Variants in TMEM267 observed in about 807,000 individuals in gnomAD.
The protein encoded by TMEM267 is transmembrane protein C5orf28.
TMEM267 carries 20 observed loss-of-function variants against 19.3 expected under a neutral mutation model. The observed-to-expected ratio is 1.04, with a 90% CI of 0.73 to 1.51. The LOEUF (loss-of-function observed/expected upper bound fraction) is 1.51. TMEM267 is among the 40% of genes most tolerant of loss of function. TMEM267 has a pLI of 0.00. For synonymous variants in TMEM267, 88 were observed against 90.3 expected (o/e 0.97, Z 0.15); for missense variants, 242 against 261.9 (o/e 0.92, Z 0.52).
At chr5:43,473,654 A>G (rs1744220497) in intron 1 of TMEM267, among the ~76,000 whole-genome samples, 1 of 152,256 alleles carries the variant, frequency 6.6e-6, no homozygotes, top group Non-Finnish European at 1.5e-5. Flanking sequence ...ATGGATAGGA[A>G]GAATGAATAT....
chr5:43,474,759 CAAAAAAAAAAAAA>C (rs1175355175), intron 1 of TMEM267, among the ~76,000 whole-genome samples: 1 of 57,444 alleles, frequency 1.7e-5, no homozygotes, highest in Non-Finnish European at 3.7e-5. Flanking sequence ...AACTCTGTCT[CAAAAAAAAAAAAA>C]AAAAAAATGA....
chr5:43,474,239 A>G (rs1427672000), intron 1 of TMEM267, among the ~76,000 whole-genome samples: 1 of 152,258 alleles, frequency 6.6e-6, no homozygotes, highest in African/African-American at 2.4e-5. Flanking sequence ...CAATGGCAAC[A>G]AAAGCCAAAA....
At chr5:43,459,814 C>T (rs151185291) in intron 1 of TMEM267, among the ~76,000 whole-genome samples, 64 of 152,198 alleles carry the variant, frequency 4.2e-4, no homozygotes, top group African/African-American at 1.5e-3. Flanking sequence ...CTTTTTGGCA[C>T]CAGGGACTGG....
At chr5:43,470,422 G>A (rs1320894885) in intron 1 of TMEM267, among the ~76,000 whole-genome samples, 1 of 152,156 alleles carries the variant, frequency 6.6e-6, no homozygotes, top group Non-Finnish European at 1.5e-5. Context: ...TACTACAGGT[G>A]TGAGCCACCA....
chr5:43,473,833 G>A (rs1442016707), intron 1 of TMEM267, among the ~76,000 whole-genome samples: 2 of 152,084 alleles, frequency 1.3e-5, no homozygotes, highest in Admixed American at 6.5e-5. Context: ...AGGAACAAAG[G>A]TGGAGGCATC....
chr5:43,465,889 G>A (rs1270910437), intron 1 of TMEM267, among the ~76,000 whole-genome samples: 2 of 151,078 alleles, frequency 1.3e-5, no homozygotes, highest in Non-Finnish European at 2.9e-5. Flanking sequence ...CACCAACATG[G>A]CACATGTATA....
At chr5:43,472,030 C>T (rs1579822865) in intron 1 of TMEM267, among the ~76,000 whole-genome samples, 1 of 152,100 alleles carries the variant, frequency 6.6e-6, no homozygotes, top group Middle Eastern at 3.4e-3. Context: ...AAAATATTTG[C>T]AAATTACCCA....
At chr5:43,449,130 G>T (rs1742429138) in intron 2 of TMEM267, among the ~76,000 whole-genome samples, 2 of 151,960 alleles carry the variant, frequency 1.3e-5, no homozygotes, top group Non-Finnish European at 2.9e-5. Context: ...AAATTAGCTG[G>T]GTATGGTGGT....
chr5:43,466,842 A>T (rs961532752), intron 1 of TMEM267, among the ~76,000 whole-genome samples: 10 of 152,090 alleles, frequency 6.6e-5, no homozygotes, highest in African/African-American at 1.7e-4. Flanking sequence ...CTAAAGGAAG[A>T]CAGGAAGGAA....
At chr5:43,477,316 C>T (rs1441559409) in intron 1 of TMEM267, among the ~76,000 whole-genome samples, 2 of 150,242 alleles carry the variant, frequency 1.3e-5, no homozygotes, top group Middle Eastern at 3.4e-3. Context: ...AGGCCGGGGG[C>T]GGTGGCTCAC....
At chr5:43,447,154 G>A (rs534349633) in intron 2 of TMEM267, among the ~76,000 whole-genome samples, 12 of 150,580 alleles carry the variant, frequency 8.0e-5, no homozygotes, top group South Asian at 2.1e-4. Flanking sequence ...GTGCGGTGGC[G>A]CAATCTCGGC....
At chr5:43,475,963 G>A (rs1744397769) in intron 1 of TMEM267, among the ~76,000 whole-genome samples, 1 of 152,166 alleles carries the variant, frequency 6.6e-6, no homozygotes, top group Non-Finnish European at 1.5e-5. Flanking sequence ...ACATTTCCCA[G>A]AATTCCCTTC....
Position 43,454,004 on chromosome 5 carries a change from C to G in TMEM267, c.-35G>C. ...TATGTTAGTATAGACTAAAAGCCAT[C>G]AGGAATGAACAGTCTATTCTTGTTT... On this transcript the variant is annotated 5_prime_UTR_variant, in exon 2 of 3. Transcript: ENST00000397080. The G allele has an allele frequency of 6.3e-7, 1 of 1,592,084 alleles. No individual in the cohort carries two copies. Among genetic ancestry groups the G allele is most frequent in the Non-Finnish European group, 8.6e-7 (1 of 1,168,488 alleles).
upstream of TMEM267, chr5:43,484,273 C>T (rs889575207): frequency 2.0e-5 from 3 of 152,214 alleles, no homozygotes; most frequent in East Asian, 5.8e-4. Context: ...GAAGCTTGAG[C>T]TGGGAGCCTC....
At chr5:43,472,647 G>A (rs1350846359) in intron 1 of TMEM267, among the ~76,000 whole-genome samples, 1 of 152,136 alleles carries the variant, frequency 6.6e-6, no homozygotes, top group African/African-American at 2.4e-5. Context: ...GCAACAACAT[G>A]GATGGAACTG....
At chr5:43,483,598 C>G (rs1744935452) in intron 1 of TMEM267, among the ~76,000 whole-genome samples, 1 of 152,162 alleles carries the variant, frequency 6.6e-6, no homozygotes, top group African/African-American at 2.4e-5. Context: ...TCCTCGCAGA[C>G]CCCAGGGCCG....
At chr5:43,473,114 G>C (rs773329632) in intron 1 of TMEM267, among the ~76,000 whole-genome samples, 1 of 124,562 alleles carries the variant, frequency 8.0e-6, no homozygotes, top group Non-Finnish European at 1.6e-5. Flanking sequence ...CTCCAGCCTG[G>C]ACTACAGAGC....
chr5:43,464,587 G>T (rs1743510085), intron 1 of TMEM267, among the ~76,000 whole-genome samples: 2 of 152,220 alleles, frequency 1.3e-5, no homozygotes, highest in Non-Finnish European at 2.9e-5. Flanking sequence ...AAAACAGCAT[G>T]GTACTGGTAC....
At chr5:43,474,558 G>C (rs1402719547) in intron 1 of TMEM267, among the ~76,000 whole-genome samples, 2 of 152,052 alleles carry the variant, frequency 1.3e-5, no homozygotes, top group African/African-American at 4.8e-5. Flanking sequence ...TCGGGAGTTC[G>C]AGACCAGCCT....
Sources: allele counts gnomAD v4.1 joint callset (sites outside exome capture counted in the v4.1 genomes callset), GRCh38; gene constraint gnomAD v4.1.1; transcripts MANE v1.5; gene names NCBI Gene and HGNC (gene_info 2026-07-23, HGNC 2026-07-21).